Variants in DIAPH3 observed in about 807,000 individuals in gnomAD.
The protein encoded by DIAPH3 is protein diaphanous homolog 3.
A neutral mutation model predicts 144.3 loss-of-function variants in DIAPH3; 117 were observed. That is an observed-to-expected ratio of 0.81 (90% CI 0.70 to 0.95). The LOEUF (loss-of-function observed/expected upper bound fraction) is 0.95, where lower values mean the gene tolerates loss of function less well. Among genes scored for constraint, DIAPH3 ranks in the 40% least tolerant of loss-of-function variants. DIAPH3 has a pLI of 0.00. For synonymous variants in DIAPH3, 519 were observed against 488.9 expected (o/e 1.06, Z -0.81); for missense variants, 1,421 against 1,412.7 (o/e 1.01, Z -0.09).
chr13:59,918,678 T>C (rs1229129439), intron 18 of DIAPH3, among the ~76,000 whole-genome samples: 1 of 152,018 alleles, frequency 6.6e-6, no homozygotes, highest in Non-Finnish European at 1.5e-5. Context: ...TACCAGATGG[T>C]CTACTCAAAA....
chr13:59,762,685 T>C (rs1942757562), intron 27 of DIAPH3, among the ~76,000 whole-genome samples: 1 of 152,158 alleles, frequency 6.6e-6, no homozygotes, highest in Non-Finnish European at 1.5e-5. Context: ...AATACAATTG[T>C]ACAAATGATC....
chr13:59,789,427 T>TTTC (rs77581600), intron 25 of DIAPH3, among the ~76,000 whole-genome samples: 11,838 of 152,258 alleles, frequency 0.078, 586 homozygotes, highest in South Asian at 0.18. Context: ...GTTTTAGTAT[T>TTTC]TTATTAGTGA....
chr13:60,163,109 A>G (rs1376795881), intron 1 of DIAPH3, among the ~76,000 whole-genome samples: 1 of 152,222 alleles, frequency 6.6e-6, no homozygotes, highest in Non-Finnish European at 1.5e-5. Context: ...TAAGCAAAAC[A>G]TTCTTTAGCA....
intron 4 of DIAPH3, among the ~76,000 whole-genome samples, chr13:60,093,289 T>C (rs1222194181): frequency 1.3e-5 from 2 of 152,178 alleles, no homozygotes; most frequent in Non-Finnish European, 2.9e-5. Flanking sequence ...GTAAAATCGG[T>C]CTCACTTTTC....
rs532390153 is a variant in DIAPH3 at position 59,847,118 on chromosome 13, C to A, written c.2738-7670G>T. Among the ~76,000 whole-genome samples, 33 of 152,244 alleles carry A rather than the reference C, an allele frequency of 2.2e-4. 1 individual carries two copies. Among genetic ancestry groups the A allele is most frequent in the African/African-American group, 7.9e-4 (33 of 41,564 alleles). ...CAAAGGAGCAATGCTAAGTGAACAG[C>A]CAGTCATCCTCATCAAGTAGTTGTA... On this transcript the variant is annotated intron_variant, in intron 22 of 27. Coordinates refer to ENST00000400324, the MANE Select transcript of DIAPH3 (RefSeq NM_001042517.2).
At chr13:59,991,536 T>G (rs907499688) in intron 11 of DIAPH3, among the ~76,000 whole-genome samples, 2 of 151,860 alleles carry the variant, frequency 1.3e-5, no homozygotes, top group African/African-American at 2.4e-5. Flanking sequence ...GGAACAAAGG[T>G]AGTAGGGAAG....
intron 25 of DIAPH3, among the ~76,000 whole-genome samples, chr13:59,780,563 C>A (rs188020853): frequency 6.6e-6 from 1 of 152,022 alleles, no homozygotes; most frequent in Non-Finnish European, 1.5e-5. Flanking sequence ...TCAAAGATTT[C>A]CTATATGTGA....
chr13:59,968,167 A>G (rs2050162168), intron 17 of DIAPH3, among the ~76,000 whole-genome samples: 1 of 152,212 alleles, frequency 6.6e-6, no homozygotes, highest in Non-Finnish European at 1.5e-5. Context: ...AGAATTTTTT[A>G]AAGGTCCAAT....
intron 4 of DIAPH3, among the ~76,000 whole-genome samples, chr13:60,061,575 A>T (rs2056773630): frequency 6.6e-6 from 1 of 151,694 alleles, no homozygotes; most frequent in Admixed American, 6.6e-5. Context: ...GCTGGAAAAA[A>T]TTGCTACATT....
At chr13:59,861,807 A>AGTAT (rs1416980621) in intron 21 of DIAPH3, among the ~76,000 whole-genome samples, 1 of 152,206 alleles carries the variant, frequency 6.6e-6, no homozygotes, top group Non-Finnish European at 1.5e-5. Context: ...CTAGGAAAAC[A>AGTAT]GAGTAACCTA....
intron 1 of DIAPH3, among the ~76,000 whole-genome samples, chr13:60,156,792 A>G (rs1952040632): frequency 6.6e-6 from 1 of 151,072 alleles, no homozygotes; most frequent in African/African-American, 2.4e-5. Context: ...TCAGATTAGT[A>G]TCATAAGCTC....
At chr13:60,115,691 G>T (rs575454882) in intron 2 of DIAPH3, among the ~76,000 whole-genome samples, 1 of 151,990 alleles carries the variant, frequency 6.6e-6, no homozygotes, top group East Asian at 1.9e-4. Flanking sequence ...TTTTATAATA[G>T]ATTTGTAAAT....
intron 17 of DIAPH3, among the ~76,000 whole-genome samples, chr13:59,967,659 T>C (rs904916637): frequency 6.6e-6 from 1 of 152,230 alleles, no homozygotes; most frequent in Non-Finnish European, 1.5e-5. Context: ...GTGTTTTACA[T>C]GTAAATACAC....
At chr13:59,803,338 A>G (rs1282480475) in intron 25 of DIAPH3, among the ~76,000 whole-genome samples, 1 of 152,226 alleles carries the variant, frequency 6.6e-6, no homozygotes, top group Non-Finnish European at 1.5e-5. Flanking sequence ...AAAAATTTAA[A>G]TTATTTTGCC....
intron 27 of DIAPH3, chr13:59,696,263 A>G (rs752096804): frequency 1.3e-5 from 2 of 152,238 alleles, no homozygotes; most frequent in African/African-American, 2.4e-5. Flanking sequence ...AATGGATTTC[A>G]TATTATCTGG....
At chr13:59,837,426 A>G (rs2042094501) in intron 23 of DIAPH3, among the ~76,000 whole-genome samples, 1 of 152,026 alleles carries the variant, frequency 6.6e-6, no homozygotes, top group Non-Finnish European at 1.5e-5. Context: ...GTGCTAAGCA[A>G]GATTCTACAA....
chr13:59,916,266 G>A lies in DIAPH3; in HGVS notation c.2171-17C>T. 1 of 1,593,944 alleles carries A rather than the reference G, an allele frequency of 6.3e-7. No individual in the cohort carries two copies. The highest frequency in any genetic ancestry group is 8.6e-7 in the Non-Finnish European group (1 of 1,162,190). Reference sequence around the variant, plus strand: ...GGAAGATTGCTAAGAAGGAGAAAGAGAGAAAGGTTTATAATGAATAAGGTT... The same window carrying A: ...GGAAGATTGCTAAGAAGGAGAAAGAAAGAAAGGTTTATAATGAATAAGGTT... On this transcript the variant is annotated splice_polypyrimidine_tract_variant and intron_variant, in intron 18 of 27. Coordinates refer to ENST00000400324, the MANE Select transcript of DIAPH3 (RefSeq NM_001042517.2).
intron 4 of DIAPH3, among the ~76,000 whole-genome samples, chr13:60,082,290 A>G (rs1198976610): frequency 6.6e-6 from 1 of 151,790 alleles, no homozygotes; most frequent in African/African-American, 2.4e-5. Context: ...GATAAAAAGC[A>G]TTTGGGAGAA....
intron 1 of DIAPH3, among the ~76,000 whole-genome samples, chr13:60,159,245 T>C (rs958057101): frequency 6.6e-6 from 1 of 152,158 alleles, no homozygotes; most frequent in Non-Finnish European, 1.5e-5. Context: ...TCACTAATTA[T>C]TGCTAATGGT....
Sources: allele counts gnomAD v4.1 joint callset (sites outside exome capture counted in the v4.1 genomes callset), GRCh38; gene constraint gnomAD v4.1.1; transcripts MANE v1.5; gene names NCBI Gene and HGNC (gene_info 2026-07-23, HGNC 2026-07-21).